PRKN: variants seen among roughly 807,000 people sequenced by gnomAD.
The protein encoded by PRKN is E3 ubiquitin-protein ligase parkin.
PRKN carries 56 observed loss-of-function variants against 59.5 expected under a neutral mutation model. That is an observed-to-expected ratio of 0.94 (90% CI 0.76 to 1.18). PRKN has a LOEUF of 1.18. PRKN is among the 50% of genes most tolerant of loss of function. The pLI, the probability that PRKN is intolerant of heterozygous loss-of-function variation, is 0.00. For missense variants in PRKN, 657 were observed against 596.4 expected, an observed-to-expected ratio of 1.10 and a Z score of -1.06; for synonymous variants, 250 against 222.1, an observed-to-expected ratio of 1.13 and a Z score of -1.12.
At chr6:162,131,367 GT>G (rs1199494138) in intron 4 of PRKN, among the ~76,000 whole-genome samples, 1 of 152,164 alleles carries the variant, frequency 6.6e-6, no homozygotes, top group African/African-American at 2.4e-5. Flanking sequence ...GTTGTATAAT[GT>G]TCTCTCTTTT....
rs1353952717 is a variant in PRKN at position 161,448,169 on chromosome 6, T to C, written c.1084-61292A>G. 2.0e-5 allele frequency among the ~76,000 whole-genome samples: 3 copies of C among 152,176 alleles called. No homozygotes were observed. The highest frequency in any genetic ancestry group is 4.8e-5 in the African/African-American group (2 of 41,438). ...GTGATTCTGTTCAGCGCCTCCCTTTTGCCTCCATAAAAGATCTTCACTTTT... is the reference window on the plus strand; with the variant it reads ...GTGATTCTGTTCAGCGCCTCCCTTTCGCCTCCATAAAAGATCTTCACTTTT... On this transcript the variant is annotated intron_variant, in intron 9 of 11. Coordinates refer to ENST00000366898, the MANE Select transcript of PRKN (RefSeq NM_004562.3). This position sits in a 1 kb window ranked among gnomAD's most constrained non-coding sequence, Gnocchi z 5.1.
chr6:162,044,715 T>C (rs1463373063), intron 5 of PRKN, among the ~76,000 whole-genome samples: 1 of 152,144 alleles, frequency 6.6e-6, no homozygotes, highest in Non-Finnish European at 1.5e-5. Flanking sequence ...ATTCCTGTCA[T>C]TTCCTGTACC....
At position 161,401,758 on chromosome 6, in the gene PRKN, A is replaced by T. The variant is rs115658622; in HGVS notation, c.1084-14881T>A. Among the ~76,000 whole-genome samples the T allele has an allele frequency of 3.5e-3, 534 of 152,302 alleles. 7 individuals carry two copies. Among genetic ancestry groups the T allele is most frequent in the African/African-American group, 0.012 (496 of 41,554 alleles). ...TTGTGTCTCTCCATGAGATTCTCAG[A>T]CAGCTGCATTTGGATTTCCGGGGGC... On this transcript the variant is annotated intron_variant, in intron 9 of 11. Coordinates refer to ENST00000366898, the MANE Select transcript of PRKN (RefSeq NM_004562.3). The surrounding 1 kb of genome is among the most constrained non-coding windows in gnomAD (Gnocchi z 4.4).
rs1373384699 is a variant in PRKN at position 161,526,958 on chromosome 6, T to C, written c.1083+21896A>G. The stretch of plus-strand genomic sequence containing the variant: ...GAGGTGGTGACAGGTTATGGAAAGG[T>C]GAGGGGAGGAAATGTATGATGAACA... On this transcript the variant is annotated intron_variant, in intron 9 of 11. Coordinates refer to ENST00000366898, the MANE Select transcript of PRKN (RefSeq NM_004562.3). This position sits in a 1 kb window ranked among gnomAD's most constrained non-coding sequence, Gnocchi z 4.1. 1.3e-5 allele frequency among the ~76,000 whole-genome samples: 2 copies of C among 151,816 alleles called. No homozygotes were observed. The highest frequency in any genetic ancestry group is 4.8e-5 in the African/African-American group (2 of 41,300).
chr6:161,403,728 A>G (rs1229870784), intron 9 of PRKN, among the ~76,000 whole-genome samples: 1 of 152,104 alleles, frequency 6.6e-6, no homozygotes, highest in East Asian at 1.9e-4. Context: ...CCTCTCTGGA[A>G]CTCATGCTGA....
intron 1 of PRKN, among the ~76,000 whole-genome samples, chr6:162,459,495 A>G (rs190482206): frequency 1.3e-4 from 20 of 152,294 alleles, no homozygotes; most frequent in Admixed American, 1.0e-3. Context: ...TTTATCCTTA[A>G]TCTTTAAATA....
chr6:162,117,819 C>T (rs748184552), intron 4 of PRKN, among the ~76,000 whole-genome samples: 8 of 152,104 alleles, frequency 5.3e-5, no homozygotes, highest in Non-Finnish European at 1.2e-4. Context: ...ATTTTTGGGC[C>T]GATGTGGTGG....
chr6:162,406,288 T>C (rs960842755), intron 2 of PRKN, among the ~76,000 whole-genome samples: 1 of 152,194 alleles, frequency 6.6e-6, no homozygotes, highest in Non-Finnish European at 1.5e-5. Context: ...CTGCAAGAGT[T>C]GGAACTAGAG....
chr6:162,110,974 T>C (rs1780406277), intron 4 of PRKN, among the ~76,000 whole-genome samples: 1 of 152,080 alleles, frequency 6.6e-6, no homozygotes, highest in Non-Finnish European at 1.5e-5. Context: ...AGACAAAAAG[T>C]GGCAGGAAGT....
intron 2 of PRKN, among the ~76,000 whole-genome samples, chr6:162,442,917 G>C (rs1790127491): frequency 6.6e-6 from 1 of 152,102 alleles, no homozygotes. Context: ...ATTCCTCACA[G>C]TGCAGGGACT....
chr6:162,556,372 T>TGCGC (rs1443569566), intron 1 of PRKN, among the ~76,000 whole-genome samples: 5 of 99,370 alleles, frequency 5.0e-5, no homozygotes, highest in South Asian at 9.1e-4. Context: ...TGTGTGTGTG[T>TGCGC]GTGTGTGTGT....
chr6:162,531,310 C>A (rs1778504402), intron 1 of PRKN, among the ~76,000 whole-genome samples: 1 of 152,098 alleles, frequency 6.6e-6, no homozygotes. Context: ...TTGCTCGCTG[C>A]CTAGACAGAG....
intron 1 of PRKN, among the ~76,000 whole-genome samples, chr6:162,615,293 T>G (rs1782357192): frequency 6.6e-6 from 1 of 152,180 alleles, no homozygotes; most frequent in Non-Finnish European, 1.5e-5. Flanking sequence ...CACTAGTGCT[T>G]CTCTGACAAG....
At position 161,428,165 on chromosome 6, in the gene PRKN, A is replaced by G. The variant is rs1466513377; in HGVS notation, c.1084-41288T>C. On this transcript the variant is annotated intron_variant, in intron 9 of 11. Transcript: ENST00000366898. This position sits in a 1 kb window ranked among gnomAD's most constrained non-coding sequence, Gnocchi z 4.0. ...GCCTTCCTCAAAGCCGTGCGCCTCC[A>G]TCTCAGGGCAACATAGGGCAACTTC... Among the ~76,000 whole-genome samples the G allele has an allele frequency of 2.0e-5, 3 of 152,192 alleles. No individual in the cohort carries two copies. The highest frequency in any genetic ancestry group is 6.5e-5 in the Admixed American group (1 of 15,280).
intron 1 of PRKN, among the ~76,000 whole-genome samples, chr6:162,679,248 C>G (rs1779678826): frequency 6.6e-6 from 1 of 151,742 alleles, no homozygotes; most frequent in Admixed American, 6.6e-5. Flanking sequence ...TACAGGCACC[C>G]TCCAATGTGC....
At chr6:161,626,619 G>C (rs888186913) in intron 7 of PRKN, among the ~76,000 whole-genome samples, 8 of 152,222 alleles carry the variant, frequency 5.3e-5, no homozygotes, top group African/African-American at 1.2e-4. Context: ...AGCTTTGCCA[G>C]CCTAGGCTCT....
chr6:161,508,269 T>C (rs965025667), intron 9 of PRKN, among the ~76,000 whole-genome samples: 31 of 152,292 alleles, frequency 2.0e-4, no homozygotes, highest in African/African-American at 7.0e-4. Context: ...TTCACTAAAA[T>C]CAGATTCAAG....
intron 4 of PRKN, among the ~76,000 whole-genome samples, chr6:162,113,101 T>C (rs1185457192): frequency 6.6e-6 from 1 of 152,186 alleles, no homozygotes; most frequent in Non-Finnish European, 1.5e-5. Flanking sequence ...TGTGGACAAA[T>C]GATCTGACAT....
chr6:161,935,650 C>T (rs1428297292), intron 6 of PRKN, among the ~76,000 whole-genome samples: 1 of 151,574 alleles, frequency 6.6e-6, no homozygotes, highest in African/African-American at 2.4e-5. Context: ...AAAATCCAAG[C>T]AACTTACAGT....
Sources: gnomAD v4.1 joint callset for allele counts (sites outside exome capture counted in the v4.1 genomes callset) on GRCh38, gnomAD v4.1.1 for gene constraint, Gnocchi (gnomAD v3.1) non-coding constraint, MANE v1.5 for transcripts, NCBI Gene and HGNC (gene_info 2026-07-23, HGNC 2026-07-21) for gene names.